Variants in HDAC4 observed in about 807,000 individuals in gnomAD.
HDAC4 encodes the protein histone deacetylase A.
A neutral mutation model predicts 135.1 loss-of-function variants in HDAC4; 16 were observed. The ratio of observed to expected loss-of-function variants is 0.12; its 90% CI spans 0.08 to 0.18. The LOEUF (loss-of-function observed/expected upper bound fraction) is 0.18. Ranked by LOEUF, HDAC4 falls within the 10% of genes least tolerant of loss-of-function variation. The pLI is 1.00. For synonymous variants in HDAC4, 685 were observed against 653.4 expected, an observed-to-expected ratio of 1.05 and a Z score of -0.74; for missense variants, 1,143 against 1,511.8, an observed-to-expected ratio of 0.76 and a Z score of 4.05.
intron 1 of HDAC4, among the ~76,000 whole-genome samples, chr2:239,358,476 T>A (rs930582300): frequency 6.6e-6 from 1 of 152,242 alleles, no homozygotes; most frequent in Admixed American, 6.5e-5. Context: ...CCGGAATCAA[T>A]GGCTTCTCCA....
At chr2:239,242,787 G>C (rs1460797864) in intron 2 of HDAC4, among the ~76,000 whole-genome samples, 1 of 152,198 alleles carries the variant, frequency 6.6e-6, no homozygotes, top group Non-Finnish European at 1.5e-5. Context: ...GTAACTATCA[G>C]ATTAAGGAAG....
At chr2:239,254,705 A>C (rs1419416556) in intron 2 of HDAC4, among the ~76,000 whole-genome samples, 2 of 152,196 alleles carry the variant, frequency 1.3e-5, no homozygotes, top group Non-Finnish European at 2.9e-5. Context: ...AAAGAATGGA[A>C]AAAATGTACA....
Position 239,262,032 on chromosome 2 carries a change from G to A in HDAC4, c.23-25368C>T, listed in dbSNP as rs2049403487. Among the ~76,000 whole-genome samples the A allele has an allele frequency of 6.6e-6, 1 of 152,178 alleles. No homozygotes were observed. Among genetic ancestry groups the A allele is most frequent in the South Asian group, 2.1e-4 (1 of 4,826 alleles). On this transcript the variant is annotated intron_variant, in intron 2 of 26. Transcript: ENST00000543185. This position sits in a 1 kb window ranked among gnomAD's most constrained non-coding sequence, Gnocchi z 4.1. Reference sequence around the variant, plus strand: ...GCCCCAGACACAGAGGCCCTAGGTGGGAATCCAGCAGGGTGGCATCTGCCC... The same window carrying A: ...GCCCCAGACACAGAGGCCCTAGGTGAGAATCCAGCAGGGTGGCATCTGCCC...
At chr2:239,075,049 C>T (rs932186330) in intron 22 of HDAC4, among the ~76,000 whole-genome samples, 4 of 151,894 alleles carry the variant, frequency 2.6e-5, no homozygotes, top group African/African-American at 7.2e-5. Flanking sequence ...CGGTGAAACC[C>T]GGTCTCTACT....
rs562292355 is a variant in HDAC4 at position 239,387,517 on chromosome 2, A to G, written c.-220+13461T>C. ...GGTTCTCTGCCTCTCCCTCCAGCCTAGAGACAGGACGAGGCACAGCACTCT... is the reference window on the plus strand; with the variant it reads ...GGTTCTCTGCCTCTCCCTCCAGCCTGGAGACAGGACGAGGCACAGCACTCT... On this transcript the variant is annotated intron_variant, in intron 1 of 26. Transcript: ENST00000543185. Among the ~76,000 whole-genome samples the G allele has an allele frequency of 2.6e-5, 4 of 152,166 alleles. No individual in the cohort carries two copies. In the South Asian group the frequency reaches 8.3e-4, roughly 32 times the overall value.
chr2:239,324,314 C>T (rs563474273), intron 2 of HDAC4, among the ~76,000 whole-genome samples: 6 of 152,304 alleles, frequency 3.9e-5, no homozygotes, highest in East Asian at 1.9e-4. Context: ...CTCACCAGTG[C>T]GAACTTAACA....
At chr2:239,148,929 C>G (rs1183324207) in intron 7 of HDAC4, among the ~76,000 whole-genome samples, 1 of 152,162 alleles carries the variant, frequency 6.6e-6, no homozygotes, top group Admixed American at 6.5e-5. Context: ...AAAAAATGAT[C>G]AACTTCCGGA....
At chr2:239,140,884 T>A (rs956159571) in intron 8 of HDAC4, 2 of 452,418 alleles carry the variant, frequency 4.4e-6, no homozygotes, top group African/African-American at 4.1e-5. Flanking sequence ...TCACGTGGTA[T>A]CCACGCCTGC....
chr2:239,350,456 T>A (rs1020931530), intron 2 of HDAC4, among the ~76,000 whole-genome samples: 1 of 151,856 alleles, frequency 6.6e-6, no homozygotes, highest in African/African-American at 2.4e-5. Context: ...AAACAACATA[T>A]AAAGAAAGGA....
At chr2:239,086,335 T>G (rs2035945832) in intron 19 of HDAC4, among the ~76,000 whole-genome samples, 1 of 143,206 alleles carries the variant, frequency 7.0e-6, no homozygotes, top group African/African-American at 2.5e-5. Flanking sequence ...GATCTGACTA[T>G]CTCGCACGTA....
chr2:239,372,676 A>G (rs1180377683), intron 1 of HDAC4, among the ~76,000 whole-genome samples: 1 of 152,250 alleles, frequency 6.6e-6, no homozygotes, highest in African/African-American at 2.4e-5. Flanking sequence ...GCGACAGAAC[A>G]GACACACTGC....
At chr2:239,189,181 G>A (rs1354561558) in intron 4 of HDAC4, among the ~76,000 whole-genome samples, 4 of 152,070 alleles carry the variant, frequency 2.6e-5, no homozygotes, top group East Asian at 1.9e-4. Context: ...TCTATTAGAC[G>A]GTGTTGCTCT....
At chr2:239,107,563 TCTCC>T (rs1330462396) in intron 15 of HDAC4, among the ~76,000 whole-genome samples, 1 of 152,134 alleles carries the variant, frequency 6.6e-6, no homozygotes, top group Non-Finnish European at 1.5e-5. Context: ...GGGCCTGAGG[TCTCC>T]CTGTGTTCTC....
chr2:239,396,139 ATTT>A (rs557713979), intron 1 of HDAC4, among the ~76,000 whole-genome samples: 1 of 138,744 alleles, frequency 7.2e-6, no homozygotes. Flanking sequence ...GTCATGCCTG[ATTT>A]TTTTTTTTTT....
intron 24 of HDAC4, among the ~76,000 whole-genome samples, chr2:239,056,353 G>A (rs532513324): frequency 3.9e-5 from 6 of 152,328 alleles, no homozygotes; most frequent in African/African-American, 7.2e-5. Context: ...AGGCTGGGGC[G>A]GGGAAAATAC....
chr2:239,127,157 G>T (rs1417217077), intron 11 of HDAC4, among the ~76,000 whole-genome samples: 1 of 152,200 alleles, frequency 6.6e-6, no homozygotes, highest in South Asian at 2.1e-4. Flanking sequence ...CCTGAGTTGT[G>T]AGAAAAACAA....
intron 24 of HDAC4, among the ~76,000 whole-genome samples, chr2:239,062,063 C>T (rs183160378): frequency 1.0e-3 from 157 of 152,008 alleles, no homozygotes; most frequent in African/African-American, 3.6e-3. Context: ...CGGTGCTGCG[C>T]CCACACGACT....
At chr2:239,136,094 A>T (rs892955960) in intron 9 of HDAC4, among the ~76,000 whole-genome samples, 1 of 152,238 alleles carries the variant, frequency 6.6e-6, no homozygotes, top group African/African-American at 2.4e-5. Context: ...TACTCAAGGA[A>T]TGTCTGCTGA....
chr2:239,209,984 G>C (rs970789797), intron 3 of HDAC4, among the ~76,000 whole-genome samples: 1 of 152,138 alleles, frequency 6.6e-6, no homozygotes, highest in Admixed American at 6.5e-5. Flanking sequence ...GGCAGGGAGC[G>C]GGGGCGTGGG....
Sources: allele counts gnomAD v4.1 joint callset (sites outside exome capture counted in the v4.1 genomes callset), GRCh38; gene constraint gnomAD v4.1.1; non-coding constraint Gnocchi (gnomAD v3.1); transcripts MANE v1.5; gene names NCBI Gene and HGNC (gene_info 2026-07-23, HGNC 2026-07-21).